The following DMGDH variants were observed in gnomAD, a reference collection of about 807,000 sequenced individuals.
DMGDH encodes dimethylglycine dehydrogenase, mitochondrial.
A neutral mutation model predicts 95.2 loss-of-function variants in DMGDH; 76 were observed. That is an observed-to-expected ratio of 0.80 (90% CI 0.66 to 0.97). DMGDH has a LOEUF of 0.97. Among genes scored for constraint, DMGDH ranks in the 50% least tolerant of loss-of-function variants. DMGDH has a pLI of 0.00. For synonymous variants in DMGDH, 345 were observed against 377.6 expected (o/e 0.91, Z 1.00); for missense variants, 987 against 1,055.0 (o/e 0.94, Z 0.89).
At chr5:79,008,741 G>A (rs1425565972) in intron 14 of DMGDH, among the ~76,000 whole-genome samples, 3 of 152,088 alleles carry the variant, frequency 2.0e-5, no homozygotes, top group Non-Finnish European at 2.9e-5. Context: ...AAGGTGGGGG[G>A]AGAGTGGGCA....
chr5:79,035,000 T>C (rs939602336), intron 7 of DMGDH, among the ~76,000 whole-genome samples: 1 of 132,318 alleles, frequency 7.6e-6, no homozygotes, highest in Non-Finnish European at 1.5e-5. Flanking sequence ...GAGCTTGCAG[T>C]GAGCCGAGAT....
At chr5:79,065,219 CTTTT>C (rs35123793) in intron 1 of DMGDH, among the ~76,000 whole-genome samples, 11 of 129,636 alleles carry the variant, frequency 8.5e-5, no homozygotes, top group Admixed American at 1.6e-4. Flanking sequence ...TTTTCTTTTC[CTTTT>C]TTTTTTTTTT....
chr5:79,035,014 G>A (rs374141870), intron 7 of DMGDH, among the ~76,000 whole-genome samples: 13 of 135,834 alleles, frequency 9.6e-5, no homozygotes, highest in East Asian at 4.3e-4. Context: ...CCGAGATCGC[G>A]CCACTGCACT....
intron 15 of DMGDH, chr5:79,000,428 G>T (rs575099030): frequency 3.2e-6 from 2 of 624,238 alleles, no homozygotes; most frequent in African/African-American, 3.7e-5. Flanking sequence ...AAGTTGGAAA[G>T]AACCATTTTC....
intron 4 of DMGDH, among the ~76,000 whole-genome samples, chr5:79,053,525 T>C (rs1023422189): frequency 2.7e-5 from 4 of 149,810 alleles, no homozygotes; most frequent in African/African-American, 1.0e-4. Flanking sequence ...CTTAACATAC[T>C]AACTGGTACA....
intron 14 of DMGDH, among the ~76,000 whole-genome samples, chr5:79,011,902 T>C (rs767859943): frequency 5.9e-5 from 9 of 152,126 alleles, no homozygotes; most frequent in Non-Finnish European, 1.0e-4. Flanking sequence ...ACATTGGGGA[T>C]TACAATTCAA....
intron 15 of DMGDH, among the ~76,000 whole-genome samples, chr5:79,001,748 C>G (rs1363713955): frequency 1.3e-5 from 2 of 152,212 alleles, no homozygotes; most frequent in Non-Finnish European, 2.9e-5. Flanking sequence ...TTTATGAGTG[C>G]TATTTTTAAA....
intron 2 of DMGDH, among the ~76,000 whole-genome samples, chr5:79,057,519 A>ATT (rs58120939): frequency 1.2e-4 from 18 of 146,440 alleles, no homozygotes; most frequent in Admixed American, 3.4e-4. Context: ...TCCATGGCTG[A>ATT]TTTTTTTTTT....
chr5:79,014,471 T>G, intron 14 of DMGDH, among the ~76,000 whole-genome samples: 1 of 152,226 alleles, frequency 6.6e-6, no homozygotes, highest in East Asian at 1.9e-4. Context: ...AATTGCCCAT[T>G]TGATATTTTA....
At position 79,052,005 on chromosome 5, in the gene DMGDH, C is replaced by A. The variant is rs566371937; in HGVS notation, c.541-514G>T. On this transcript the variant is annotated intron_variant, in intron 4 of 15. Transcript: ENST00000255189. ...GTCTCATCTATTCAACAAAAATTGGCTGAGCACCAAATACAAGCAAGGAGC... is the reference window on the plus strand; with the variant it reads ...GTCTCATCTATTCAACAAAAATTGGATGAGCACCAAATACAAGCAAGGAGC... 1.1e-4 allele frequency among the ~76,000 whole-genome samples: 16 copies of A among 152,294 alleles called. No individual in the cohort carries two copies. The South Asian group carries it at 3.3e-3, about 32-fold the overall frequency.
intron 3 of DMGDH, among the ~76,000 whole-genome samples, chr5:79,055,456 T>G (rs1293627440): frequency 6.6e-6 from 1 of 152,232 alleles, no homozygotes; most frequent in African/African-American, 2.4e-5. Flanking sequence ...TTCAGAGTCA[T>G]GGGACAATCT....
At chr5:79,006,826 T>C (rs1737074901) in intron 14 of DMGDH, among the ~76,000 whole-genome samples, 1 of 142,500 alleles carries the variant, frequency 7.0e-6, no homozygotes, top group Admixed American at 7.4e-5. Flanking sequence ...GCAGGGGTCC[T>C]CACACACCCT....
chr5:79,034,754 C>T (rs1754289237), intron 7 of DMGDH, among the ~76,000 whole-genome samples: 1 of 152,174 alleles, frequency 6.6e-6, no homozygotes, highest in Non-Finnish European at 1.5e-5. Context: ...TGAGTGCCTA[C>T]ATTTTATAAA....
chr5:79,022,821 A>C (rs1242848415), intron 14 of DMGDH, among the ~76,000 whole-genome samples: 3 of 152,242 alleles, frequency 2.0e-5, no homozygotes, highest in Non-Finnish European at 2.9e-5. Flanking sequence ...ACTGAAGCAA[A>C]AGAATCAGTT....
At position 79,025,135 on chromosome 5, in the gene DMGDH, A is replaced by C. The variant is rs1238640060; in HGVS notation, c.2191-805T>G. On this transcript the variant is annotated intron_variant, in intron 13 of 15. Coordinates refer to ENST00000255189, the MANE Select transcript of DMGDH (RefSeq NM_013391.3). ...AAAGAAAAAAATAAAAATGAAGCACAGAGGATTGCAGTGCCAACACTAGAG... is the reference window on the plus strand; with the variant it reads ...AAAGAAAAAAATAAAAATGAAGCACCGAGGATTGCAGTGCCAACACTAGAG... 2.0e-5 allele frequency among the ~76,000 whole-genome samples: 3 copies of C among 152,368 alleles called. No homozygotes were observed. The East Asian group carries it at 5.8e-4, about 29-fold the overall frequency.
chr5:79,000,832 G>C (rs1024530283), intron 15 of DMGDH: 3 of 630,892 alleles, frequency 4.8e-6, no homozygotes, highest in African/African-American at 1.8e-5. Flanking sequence ...AACCAGATGG[G>C]GTGGCCACAT....
chr5:79,052,829 A>G (rs536927629), intron 4 of DMGDH, among the ~76,000 whole-genome samples: 111 of 152,318 alleles, frequency 7.3e-4, no homozygotes, highest in Non-Finnish European at 5.7e-4. Flanking sequence ...ACACACAACT[A>G]TAGACAAGGG....
intron 7 of DMGDH, among the ~76,000 whole-genome samples, chr5:79,037,843 ATACT>A (rs1413968203): frequency 6.6e-6 from 1 of 152,260 alleles, no homozygotes; most frequent in Non-Finnish European, 1.5e-5. Flanking sequence ...AGAGAATAAA[ATACT>A]TAGGAATAAA....
Position 78,997,970 on chromosome 5 carries a change from G to C in DMGDH, c.*112C>G. On this transcript the variant is annotated 3_prime_UTR_variant, in exon 16 of 16. Transcript: ENST00000255189. ...CATTAAGATTCTAAATTTAGACTTT[G>C]ATGATTTTGAAATGAATTCCTGGTT... The C allele has an allele frequency of 8.8e-7, 1 of 1,136,212 alleles. No homozygotes were observed. The highest frequency in any genetic ancestry group is 1.3e-6 in the Non-Finnish European group (1 of 772,716). The allele number at this position is 1,136,212 out of a possible 1,614,324, so 70.4% of individuals were successfully genotyped here. A position where few individuals can be genotyped will look rare whatever the true frequency, so the allele number is the denominator to read the frequency against.
Sources: gnomAD v4.1 joint callset for allele counts (sites outside exome capture counted in the v4.1 genomes callset) on GRCh38, gnomAD v4.1.1 for gene constraint, MANE v1.5 for transcripts, NCBI Gene and HGNC (gene_info 2026-07-23, HGNC 2026-07-21) for gene names.